FAM135B: variants seen among roughly 807,000 people sequenced by gnomAD.
FAM135B encodes family with sequence similarity 135 member B.
A neutral mutation model predicts 127.7 loss-of-function variants in FAM135B; 43 were observed. That is an observed-to-expected ratio of 0.34 (90% CI 0.26 to 0.43). The LOEUF is 0.43. FAM135B is among the 20% of genes least tolerant of loss of function. The pLI is 1.00. For missense variants in FAM135B, 1,558 were observed against 1,725.6 expected (o/e 0.90, Z 1.72); for synonymous variants, 670 against 665.1 (o/e 1.01, Z -0.11).
intron 5 of FAM135B, among the ~76,000 whole-genome samples, chr8:138,254,814 C>T (rs992250660): frequency 6.6e-6 from 1 of 152,122 alleles, no homozygotes; most frequent in African/African-American, 2.4e-5. Context: ...GATACTCCTG[C>T]CAGCCCAGGT....
chr8:138,161,922 A>G (rs1819440086), intron 12 of FAM135B, among the ~76,000 whole-genome samples: 1 of 151,598 alleles, frequency 6.6e-6, no homozygotes, highest in African/African-American at 2.4e-5. Context: ...GTGAATTTCT[A>G]TAGCCCCAAG....
chr8:138,171,382 A>G (rs1245116481), intron 11 of FAM135B, among the ~76,000 whole-genome samples: 1 of 152,082 alleles, frequency 6.6e-6, no homozygotes, highest in Non-Finnish European at 1.5e-5. Flanking sequence ...GCTCAACCAA[A>G]GGCAGTTGTG....
intron 6 of FAM135B, among the ~76,000 whole-genome samples, chr8:138,248,085 A>G (rs1821421662): frequency 6.6e-6 from 1 of 152,156 alleles, no homozygotes. Context: ...ATAAAAATCG[A>G]CTGAATGAAT....
intron 2 of FAM135B, among the ~76,000 whole-genome samples, chr8:138,344,418 G>A (rs1829259958): frequency 1.3e-5 from 2 of 152,108 alleles, no homozygotes; most frequent in African/African-American, 4.8e-5. Context: ...CCCCACCTCG[G>A]GGTTGCACGA....
chr8:138,147,057 G>A (rs575679589), intron 14 of FAM135B, among the ~76,000 whole-genome samples: 4 of 152,274 alleles, frequency 2.6e-5, no homozygotes, highest in African/African-American at 7.2e-5. Flanking sequence ...ACTCAGATAT[G>A]CCCATACGCC....
At chr8:138,229,793 C>A (rs1289469561) in intron 7 of FAM135B, among the ~76,000 whole-genome samples, 1 of 152,140 alleles carries the variant, frequency 6.6e-6, no homozygotes, top group Non-Finnish European at 1.5e-5. Context: ...CACCTCTTCT[C>A]AGGGTGACAG....
At chr8:138,400,253 G>A (rs942226409) in intron 1 of FAM135B, among the ~76,000 whole-genome samples, 1 of 152,222 alleles carries the variant, frequency 6.6e-6, no homozygotes, top group Admixed American at 6.5e-5. Flanking sequence ...GGGGGCAGGA[G>A]AAATGGAGTG....
intron 6 of FAM135B, among the ~76,000 whole-genome samples, chr8:138,246,331 C>T (rs779102524): frequency 6.6e-5 from 10 of 152,078 alleles, no homozygotes; most frequent in Non-Finnish European, 1.5e-5. Flanking sequence ...GCCCAGAGGC[C>T]CAGGAAGAAA....
chr8:138,172,602 C>T (rs73428809), intron 11 of FAM135B, among the ~76,000 whole-genome samples: 9,674 of 152,176 alleles, frequency 0.064, 550 homozygotes, highest in East Asian at 0.17. Context: ...TTGTCTTCTC[C>T]GTCCAGTGAG....
At chr8:138,188,779 A>G (rs1191985604) in intron 9 of FAM135B, among the ~76,000 whole-genome samples, 1 of 152,138 alleles carries the variant, frequency 6.6e-6, no homozygotes, top group Non-Finnish European at 1.5e-5. Flanking sequence ...TTGTGCAAAC[A>G]GAAGAGAGGC....
At chr8:138,480,363 T>C (rs1814724774) in intron 1 of FAM135B, among the ~76,000 whole-genome samples, 2 of 152,188 alleles carry the variant, frequency 1.3e-5, no homozygotes, top group Non-Finnish European at 1.5e-5. Flanking sequence ...TACCTTGACA[T>C]GATGGGATCG....
intron 3 of FAM135B, among the ~76,000 whole-genome samples, chr8:138,292,627 A>C (rs899325518): frequency 1.2e-4 from 18 of 152,132 alleles, no homozygotes; most frequent in East Asian, 3.8e-4. Context: ...AAATTGTTTT[A>C]AAATTCATAT....
chr8:138,277,514 G>A (rs1415985710), intron 3 of FAM135B, among the ~76,000 whole-genome samples: 2 of 152,146 alleles, frequency 1.3e-5, no homozygotes, highest in South Asian at 2.1e-4. Flanking sequence ...GAACAGAAGG[G>A]TTTTAACCGC....
At chr8:138,328,297 C>G (rs1827944798) in intron 2 of FAM135B, among the ~76,000 whole-genome samples, 1 of 152,136 alleles carries the variant, frequency 6.6e-6, no homozygotes, top group South Asian at 2.1e-4. Flanking sequence ...TTGGCTCACT[C>G]CTAAGAACAG....
chr8:138,198,895 A>G (rs1816877965), intron 7 of FAM135B, among the ~76,000 whole-genome samples: 1 of 152,180 alleles, frequency 6.6e-6, no homozygotes, highest in East Asian at 1.9e-4. Flanking sequence ...GGAGTCCTTG[A>G]GTAGTATGCT....
chr8:138,241,255 T>C lies in FAM135B; in HGVS notation c.669+1687A>G, dbSNP rs998666067. 6.6e-6 allele frequency among the ~76,000 whole-genome samples: 1 copy of C among 152,144 alleles called. No homozygotes were observed. The highest frequency in any genetic ancestry group is 6.5e-5 in the Admixed American group (1 of 15,272). Reference sequence around the variant, plus strand: ...CTTTCTTACTCATTCACTTCCTATGTGCTGGGCCCTGCGTCAGTGCTAAGG... The same window carrying C: ...CTTTCTTACTCATTCACTTCCTATGCGCTGGGCCCTGCGTCAGTGCTAAGG... On this transcript the variant is annotated intron_variant, in intron 7 of 19. Coordinates refer to ENST00000395297, the MANE Select transcript of FAM135B (RefSeq NM_015912.4). The surrounding 1 kb of genome is among the most constrained non-coding windows in gnomAD (Gnocchi z 4.8).
intron 3 of FAM135B, among the ~76,000 whole-genome samples, chr8:138,297,046 C>T (rs1430555096): frequency 6.6e-6 from 1 of 152,138 alleles, no homozygotes; most frequent in Non-Finnish European, 1.5e-5. Context: ...CGATGTGACC[C>T]AGCCAGGCCT....
At chr8:138,228,953 T>C (rs1051588350) in intron 7 of FAM135B, among the ~76,000 whole-genome samples, 6 of 152,122 alleles carry the variant, frequency 3.9e-5, no homozygotes, top group African/African-American at 7.2e-5. Context: ...AGTCTGCTGA[T>C]TGGGTTCCAA....
rs189425508 is a variant in FAM135B, at chr8:138,163,813, G to A, written c.1258+4082C>T. Reference sequence around the variant, plus strand: ...ACAGACCATGAACAAATGCTATTATGGCTTTTGTTAGTTGTTTTTTCCTTT... The same window carrying A: ...ACAGACCATGAACAAATGCTATTATAGCTTTTGTTAGTTGTTTTTTCCTTT... On this transcript the variant is annotated intron_variant, in intron 12 of 19. Coordinates refer to ENST00000395297, the MANE Select transcript of FAM135B (RefSeq NM_015912.4). 1.4e-3 allele frequency among the ~76,000 whole-genome samples: 211 copies of A among 152,204 alleles called. 1 individual carries two copies. Among genetic ancestry groups the A allele is most frequent in the Middle Eastern group, 3.4e-3 (1 of 294 alleles).
Sources: gnomAD v4.1 joint callset for allele counts (sites outside exome capture counted in the v4.1 genomes callset) on GRCh38, gnomAD v4.1.1 for gene constraint, Gnocchi (gnomAD v3.1) non-coding constraint, MANE v1.5 for transcripts, NCBI Gene and HGNC (gene_info 2026-07-23, HGNC 2026-07-21) for gene names.